Variants in MEOX2 observed in about 807,000 individuals in gnomAD.
MEOX2 encodes the protein homeobox protein MOX-2.
In MEOX2, 11 loss-of-function variants were observed where a neutral mutation model predicts 27.0. That is an observed-to-expected ratio of 0.41 (90% CI 0.26 to 0.68). The LOEUF (loss-of-function observed/expected upper bound fraction) is 0.68. Ranked by LOEUF, MEOX2 falls within the 30% of genes least tolerant of loss-of-function variation. The probability of loss-of-function intolerance (pLI) is 0.33; values close to 1 mark genes in which losing one functional copy is unlikely to be tolerated. For synonymous variants in MEOX2, 189 were observed against 155.4 expected, an observed-to-expected ratio of 1.22 and a Z score of -1.61; for missense variants, 436 against 385.4, an observed-to-expected ratio of 1.13 and a Z score of -1.10.
chr7:15,675,065 C>T lies in MEOX2; in HGVS notation c.517+10821G>A, dbSNP rs1377912853. ...CAAATACAATATAGGTAATGCTCAA[C>T]TTAACAAAATTTACTTGGATTAAAT... is the stretch of plus-strand genomic sequence containing the variant. On this transcript the variant is annotated intron_variant, in intron 1 of 2. Transcript: ENST00000262041. Among the ~76,000 whole-genome samples, 10 of 152,232 alleles carry T rather than the reference C, an allele frequency of 6.6e-5. 1 individual carries two copies. The East Asian group carries it at 1.9e-3, about 29-fold the overall frequency.
Position 15,657,889 on chromosome 7 carries a change from G to C in MEOX2, c.517+27997C>G, listed in dbSNP as rs562892695. Reference sequence around the variant, plus strand: ...ACTGCTGTGATAGTGAGGGAATGAGGGGCAAGGCAGGTGGAGCAGGCTCCT... The same window carrying C: ...ACTGCTGTGATAGTGAGGGAATGAGCGGCAAGGCAGGTGGAGCAGGCTCCT... On this transcript the variant is annotated intron_variant, in intron 1 of 2. Transcript: ENST00000262041. Among the ~76,000 whole-genome samples the C allele has an allele frequency of 2.6e-5, 4 of 152,214 alleles. No homozygotes were observed. In the East Asian group the frequency reaches 7.7e-4, roughly 29 times the overall value.
intron 1 of MEOX2, among the ~76,000 whole-genome samples, chr7:15,632,980 G>A (rs1287095694): frequency 6.6e-6 from 1 of 151,874 alleles, no homozygotes; most frequent in Non-Finnish European, 1.5e-5. Flanking sequence ...CCCTAATTAA[G>A]ACTTTTTGAC....
chr7:15,629,102 A>G (rs1396822264), intron 1 of MEOX2, among the ~76,000 whole-genome samples: 1 of 152,076 alleles, frequency 6.6e-6, no homozygotes, highest in Non-Finnish European at 1.5e-5. Flanking sequence ...TGAATGATTC[A>G]TGGTTAGCAC....
chr7:15,652,871 A>G (rs1482645031), intron 1 of MEOX2, among the ~76,000 whole-genome samples: 1 of 151,984 alleles, frequency 6.6e-6, no homozygotes, highest in African/African-American at 2.4e-5. Flanking sequence ...TTGTTTAACC[A>G]TTTGCCTGTT....
chr7:15,617,840 A>G (rs767457732), intron 2 of MEOX2, among the ~76,000 whole-genome samples: 8 of 152,092 alleles, frequency 5.3e-5, no homozygotes, highest in Non-Finnish European at 1.0e-4. Context: ...AGTCTTGTGG[A>G]TCAGGCTCAT....
intron 1 of MEOX2, among the ~76,000 whole-genome samples, chr7:15,637,723 G>C (rs1348919366): frequency 6.6e-6 from 1 of 152,042 alleles, no homozygotes; most frequent in Non-Finnish European, 1.5e-5. Context: ...GAAGGAAAGA[G>C]TGGCTGGGGA....
intron 1 of MEOX2, among the ~76,000 whole-genome samples, chr7:15,678,029 C>T (rs933614749): frequency 6.6e-6 from 1 of 152,130 alleles, no homozygotes; most frequent in African/African-American, 2.4e-5. Flanking sequence ...TGGACATTCA[C>T]AAGACTGTAA....
chr7:15,646,600 T>C (rs1781653974), intron 1 of MEOX2, among the ~76,000 whole-genome samples: 1 of 152,026 alleles, frequency 6.6e-6, no homozygotes, highest in South Asian at 2.1e-4. Context: ...AGCTCTATCA[T>C]ACTTATCTAT....
intron 1 of MEOX2, among the ~76,000 whole-genome samples, chr7:15,673,755 C>T (rs564417085): frequency 1.3e-5 from 2 of 152,086 alleles, no homozygotes; most frequent in Admixed American, 6.5e-5. Flanking sequence ...TGAGGAGATT[C>T]GATAGTAAGG....
intron 1 of MEOX2, among the ~76,000 whole-genome samples, chr7:15,674,309 T>C (rs6461202): frequency 0.52 from 78,308 of 151,878 alleles, 20,536 homozygotes; most frequent in African/African-American, 0.6. Flanking sequence ...GATAAAGATG[T>C]TCAGAGAATA....
At chr7:15,667,514 G>C (rs947444043) in intron 1 of MEOX2, among the ~76,000 whole-genome samples, 2 of 151,936 alleles carry the variant, frequency 1.3e-5, no homozygotes, top group African/African-American at 4.8e-5. Flanking sequence ...TCGTCTTAGT[G>C]TACCCAAAGC....
At chr7:15,628,369 T>TAGC (rs984981738) in intron 1 of MEOX2, among the ~76,000 whole-genome samples, 17 of 152,180 alleles carry the variant, frequency 1.1e-4, no homozygotes, top group East Asian at 9.7e-4. Flanking sequence ...CTAGGTCTAG[T>TAGC]AGCAGCAGCA....
chr7:15,685,847 C>A (rs753283129), intron 1 of MEOX2, 39 bp downstream of exon 1: 6 of 1,543,932 alleles, frequency 3.9e-6, no homozygotes, highest in Non-Finnish European at 5.2e-6. Flanking sequence ...CCTTTTCCAG[C>A]CCGGCGCGCA....
intron 1 of MEOX2, among the ~76,000 whole-genome samples, chr7:15,633,646 T>G (rs1428265708): frequency 6.6e-6 from 1 of 151,954 alleles, no homozygotes; most frequent in African/African-American, 2.4e-5. Context: ...GTGTAAGGAC[T>G]AGCATTTATG....
At chr7:15,632,668 T>A (rs1781421761) in intron 1 of MEOX2, among the ~76,000 whole-genome samples, 1 of 151,912 alleles carries the variant, frequency 6.6e-6, no homozygotes, top group Admixed American at 6.6e-5. Flanking sequence ...TTGCGTCAAA[T>A]TTGACACAGA....
chr7:15,669,473 G>C (rs529683252), intron 1 of MEOX2, among the ~76,000 whole-genome samples: 1 of 152,264 alleles, frequency 6.6e-6, no homozygotes, highest in East Asian at 1.9e-4. Flanking sequence ...CTAATGTGTA[G>C]CGTTAATACT....
chr7:15,616,993 C>T (rs775336502), intron 2 of MEOX2, among the ~76,000 whole-genome samples: 25 of 152,036 alleles, frequency 1.6e-4, no homozygotes, highest in Non-Finnish European at 3.1e-4. Context: ...TTTTAGGTTT[C>T]ACAATATATT....
chr7:15,639,130 C>A (rs574059444), intron 1 of MEOX2, among the ~76,000 whole-genome samples: 3 of 152,008 alleles, frequency 2.0e-5, no homozygotes, highest in African/African-American at 7.3e-5. Flanking sequence ...TCCACATCCT[C>A]ACCATCTGTT....
At chr7:15,626,074 G>A (rs1001357462) in intron 2 of MEOX2, among the ~76,000 whole-genome samples, 17 of 152,130 alleles carry the variant, frequency 1.1e-4, no homozygotes, top group Admixed American at 3.3e-4. Flanking sequence ...CACCTAAGCC[G>A]CACCATTTGA....
Sources: allele counts gnomAD v4.1 joint callset (sites outside exome capture counted in the v4.1 genomes callset), GRCh38; gene constraint gnomAD v4.1.1; transcripts MANE v1.5; gene names NCBI Gene and HGNC (gene_info 2026-07-23, HGNC 2026-07-21).